PGM1: variants seen among roughly 807,000 people sequenced by gnomAD.
PGM1 encodes the protein phosphoglucomutase-1.
In PGM1, 52 loss-of-function variants were observed where a neutral mutation model predicts 55.6. The observed-to-expected ratio is 0.94, with a 90% CI of 0.75 to 1.18. PGM1 has a LOEUF of 1.18. PGM1 is among the 50% of genes most tolerant of loss of function. The pLI, the probability that PGM1 is intolerant of heterozygous loss-of-function variation, is 0.00. For synonymous variants in PGM1, 287 were observed against 271.7 expected, an observed-to-expected ratio of 1.06 and a Z score of -0.55; for missense variants, 724 against 729.3, an observed-to-expected ratio of 0.99 and a Z score of 0.08.
At chr1:63,604,917 C>CTGTGTGTGTGTGTGTGTGTG (rs60618789) in intron 1 of PGM1, among the ~76,000 whole-genome samples, 1 of 118,786 alleles carries the variant, frequency 8.4e-6, no homozygotes, top group Non-Finnish European at 1.7e-5. Context: ...TTACATAACT[C>CTGTGTGTGTGTGTGTGTGTG]TGTGTGTGTG....
intron 6 of PGM1, 70 bp from the exon 7 acceptor site, chr1:63,638,615 C>T: frequency 1.0e-6 from 1 of 983,626 alleles, no homozygotes; most frequent in East Asian, 2.4e-5. Flanking sequence ...AACGATTGCC[C>T]TTTTCCGTCC....
intron 4 of PGM1, among the ~76,000 whole-genome samples, chr1:63,634,395 AT>A (rs1385971374): frequency 1.3e-5 from 2 of 152,208 alleles, no homozygotes; most frequent in Non-Finnish European, 2.9e-5. Context: ...GAGAGTTTAA[AT>A]AACTTTCCCA....
chr1:63,605,189 T>C (rs1400446699), intron 1 of PGM1, among the ~76,000 whole-genome samples: 1 of 152,096 alleles, frequency 6.6e-6, no homozygotes, highest in East Asian at 1.9e-4. Context: ...AAAAGTCCTT[T>C]TGGGGCTGTA....
chr1:63,623,142 A>T, intron 1 of PGM1: 1 of 998,700 alleles, frequency 1.0e-6, no homozygotes, highest in Non-Finnish European at 1.2e-6. Context: ...AGCTATCTCT[A>T]CCCTAACGGG....
intron 2 of PGM1, 43 bp from the exon 3 acceptor site, chr1:63,629,899 T>A (rs1328870301): frequency 1.2e-6 from 2 of 1,609,694 alleles, no homozygotes; most frequent in East Asian, 4.5e-5. Flanking sequence ...TATTTCCATG[T>A]GAGCTGCACG....
At chr1:63,657,778 C>T (rs544129468) in intron 10 of PGM1, among the ~76,000 whole-genome samples, 1 of 152,028 alleles carries the variant, frequency 6.6e-6, no homozygotes, top group South Asian at 2.1e-4. Context: ...TACATTTTTT[C>T]CAGTGGCCAG....
rs1647965503 is a variant in PGM1 at position 63,594,168 on chromosome 1, A to G, written c.246+434A>G. On this transcript the variant is annotated intron_variant, in intron 1 of 10. Coordinates refer to ENST00000371084, the MANE Select transcript of PGM1 (RefSeq NM_002633.3). Reference sequence around the variant, plus strand: ...AGGTTAGACTGCCGCCGCCTCGCCCAGAGCCCCCTCGCATCCCGCCCGCTC... The same window carrying G: ...AGGTTAGACTGCCGCCGCCTCGCCCGGAGCCCCCTCGCATCCCGCCCGCTC... 3 of 980,746 alleles carry G rather than the reference A, an allele frequency of 3.1e-6. No individual in the cohort carries two copies. The South Asian group carries it at 1.4e-4, about 46-fold the overall frequency. 60.8% of individuals were successfully genotyped at this position (980,746 alleles called of 1,614,324 possible). A position where few individuals can be genotyped will look rare whatever the true frequency, so the allele number is the denominator to read the frequency against.
At position 63,659,668 on chromosome 1, in the gene PGM1, T is replaced by A. The variant is rs936807794; in HGVS notation, c.1682T>A (p.Ile561Asn). The change falls in exon 11 of 11, where the codon ATC (isoleucine) becomes AAC (asparagine). Residue 561 changes from isoleucine (I) to asparagine (N), a missense_variant. Transcript: ENST00000371084. ...ERTGRTAPTV[I>N]T is the part of the protein sequence containing the mutation. ...ACGGGACGCACTGCACCCACTGTCATCACCTAAGAAGACAGGCCTGATGTG... is the reference window on the plus strand; with the variant it reads ...ACGGGACGCACTGCACCCACTGTCAACACCTAAGAAGACAGGCCTGATGTG... 6.2e-7 allele frequency: 1 copy of A among 1,613,022 alleles called. No homozygotes were observed. Among genetic ancestry groups the A allele is most frequent in the African/African-American group, 1.3e-5 (1 of 74,874 alleles).
At chr1:63,654,608 C>G (rs1649911035) in intron 10 of PGM1, 142 bp downstream of exon 10, 2 of 758,980 alleles carry the variant, frequency 2.6e-6, no homozygotes, top group African/African-American at 3.6e-5. Flanking sequence ...GTTTCTTTCT[C>G]CATGTCAACA....
chr1:63,631,881 C>T, intron 4 of PGM1, 99 bp downstream of exon 4: 7 of 1,171,174 alleles, frequency 6.0e-6, no homozygotes, highest in Non-Finnish European at 8.9e-6. Flanking sequence ...TCTCAAGTCT[C>T]TCTGATGGTT....
intron 3 of PGM1, among the ~76,000 whole-genome samples, 161 bp downstream of exon 3, chr1:63,630,249 G>C (rs374462475): frequency 3.9e-5 from 6 of 152,250 alleles, no homozygotes. Context: ...AATTAGGTTT[G>C]GGAGACCAGA....
chr1:63,631,804 A>C (rs1249314863), intron 4 of PGM1, 22 bp downstream of exon 4: 1 of 1,612,084 alleles, frequency 6.2e-7, no homozygotes, highest in Non-Finnish European at 8.5e-7. Flanking sequence ...TTTCTTTTCA[A>C]TTCCCATCTC....
At chr1:63,631,238 G>A (rs371720126) in intron 3 of PGM1, among the ~76,000 whole-genome samples, 2 of 152,118 alleles carry the variant, frequency 1.3e-5, no homozygotes, top group South Asian at 2.1e-4. Context: ...AAAAAGAAAA[G>A]GAAAGAAAAG....
chr1:63,629,930 T>C lies in PGM1; in HGVS notation c.410-12T>C. The stretch of plus-strand genomic sequence containing the variant: ...GCACGAAGTAACCCACTGTTTGCTG[T>C]TTGGTTTCCAGGTCCTGCTCCAGAA... On this transcript the variant is annotated splice_polypyrimidine_tract_variant and intron_variant, in intron 2 of 10. Coordinates refer to ENST00000371084, the MANE Select transcript of PGM1 (RefSeq NM_002633.3). The C allele has an allele frequency of 6.2e-7, 1 of 1,614,022 alleles. No individual in the cohort carries two copies. The highest frequency in any genetic ancestry group is 1.1e-5 in the South Asian group (1 of 91,084).
At chr1:63,629,864 G>A (rs2100982257) in intron 2 of PGM1, 78 bp from the exon 3 acceptor site, 14 of 1,504,760 alleles carry the variant, frequency 9.3e-6, no homozygotes, top group Non-Finnish European at 1.3e-5. Flanking sequence ...TAGTGAAGAG[G>A]AACTGATGAG....
chr1:63,655,737 A>G (rs915196218), intron 10 of PGM1: 6 of 152,276 alleles, frequency 3.9e-5, no homozygotes, highest in African/African-American at 1.4e-4. Flanking sequence ...GCAATGCACC[A>G]TAAAGGCTCC....
At chr1:63,657,626 C>T (rs919954163) in intron 10 of PGM1, among the ~76,000 whole-genome samples, 1 of 152,162 alleles carries the variant, frequency 6.6e-6, no homozygotes. Flanking sequence ...TGAACAGCAC[C>T]TCCCTGCTTC....
intron 2 of PGM1, 105 bp downstream of exon 2, chr1:63,629,692 G>A (rs1025867532): frequency 2.7e-5 from 31 of 1,158,838 alleles, no homozygotes; most frequent in Non-Finnish European, 3.3e-5. Context: ...CCTTTGCAGG[G>A]GGTAGGGAGG....
intron 1 of PGM1, among the ~76,000 whole-genome samples, chr1:63,624,182 T>C (rs139717892): frequency 2.3e-3 from 356 of 152,316 alleles, no homozygotes; most frequent in African/African-American, 8.2e-3. Context: ...TTCAGTCACT[T>C]GTCAAACAGG....
Sources: allele counts gnomAD v4.1 joint callset (sites outside exome capture counted in the v4.1 genomes callset), GRCh38; gene constraint gnomAD v4.1.1; transcripts MANE v1.5; gene names NCBI Gene and HGNC (gene_info 2026-07-23, HGNC 2026-07-21).